The following CPA6 variants were observed in gnomAD, a reference collection of about 807,000 sequenced individuals.
CPA6 encodes carboxypeptidase A6, also known as carboxypeptidase B.
A neutral mutation model predicts 63.3 loss-of-function variants in CPA6; 58 were observed. The ratio of observed to expected loss-of-function variants is 0.92; its 90% confidence interval spans 0.74 to 1.14. CPA6 has a LOEUF of 1.14. Among genes scored for constraint, CPA6 ranks in the 50% most tolerant of loss-of-function variants. The probability of loss-of-function intolerance (pLI) is 0.00; values close to 1 mark genes in which losing one functional copy is unlikely to be tolerated. For missense variants in CPA6, 565 were observed against 526.6 expected (o/e 1.07, Z -0.71); for synonymous variants, 185 against 179.0 (o/e 1.03, Z -0.27).
At chr8:67,692,953 A>C (rs1816842351) in intron 1 of CPA6, among the ~76,000 whole-genome samples, 1 of 152,198 alleles carries the variant, frequency 6.6e-6, no homozygotes, top group South Asian at 2.1e-4. Context: ...CTAAGGCACA[A>C]AGGACACTGG....
chr8:67,745,884 T>C (rs1489995065), intron 1 of CPA6, 130 bp downstream of exon 1: 7 of 570,598 alleles, frequency 1.2e-5, no homozygotes, highest in African/African-American at 1.9e-5. Context: ...ACATTTTATA[T>C]AGAGGACCGT....
intron 2 of CPA6, among the ~76,000 whole-genome samples, chr8:67,587,899 G>C (rs761593645): frequency 6.6e-6 from 1 of 152,166 alleles, no homozygotes; most frequent in South Asian, 2.1e-4. Flanking sequence ...AAACGCATTA[G>C]TAGGTGTCCA....
intron 1 of CPA6, among the ~76,000 whole-genome samples, chr8:67,715,675 A>G (rs1401208867): frequency 6.6e-6 from 1 of 152,262 alleles, no homozygotes; most frequent in Non-Finnish European, 1.5e-5. Context: ...GTCGTAACAT[A>G]ATAGTGACTA....
intron 2 of CPA6, among the ~76,000 whole-genome samples, chr8:67,615,910 G>T (rs1384114664): frequency 6.6e-6 from 1 of 152,218 alleles, no homozygotes; most frequent in Admixed American, 6.5e-5. Context: ...GACAAGAACA[G>T]CTTGAGCTAA....
chr8:67,602,559 A>G (rs1006972213), intron 2 of CPA6, among the ~76,000 whole-genome samples: 1 of 152,204 alleles, frequency 6.6e-6, no homozygotes, highest in Admixed American at 6.5e-5. Flanking sequence ...TTCCCTTAAA[A>G]TAGAAACAAA....
At chr8:67,709,494 G>T (rs748384089) in intron 1 of CPA6, among the ~76,000 whole-genome samples, 38 of 152,252 alleles carry the variant, frequency 2.5e-4, no homozygotes, top group Non-Finnish European at 4.6e-4. Context: ...TACTAACAAT[G>T]ATAAATAAAG....
chr8:67,497,164 T>A (rs1460014646), intron 6 of CPA6, among the ~76,000 whole-genome samples: 2 of 152,220 alleles, frequency 1.3e-5, no homozygotes, highest in African/African-American at 4.8e-5. Context: ...TCAGTGGTTT[T>A]TAGTATATTT....
intron 3 of CPA6, among the ~76,000 whole-genome samples, chr8:67,515,532 G>A (rs996105120): frequency 1.3e-5 from 2 of 152,186 alleles, no homozygotes; most frequent in Admixed American, 1.3e-4. Context: ...AGGAAGGTCA[G>A]CGTATTCTCT....
rs1818003406 is a variant in CPA6, at chr8:67,746,102, G to A, written c.28C>T (p.Gln10Ter). 1.2e-6 allele frequency: 2 copies of A among 1,613,738 alleles called. No homozygotes were observed. The highest frequency in any genetic ancestry group is 2.2e-5 in the South Asian group (2 of 91,020). MKCLGKRRG[Q>*]AAAFLPLCWL... ...CAAAGAGGCAGGAAAGCAGCTGCCT[G>A]GCCCCTGCGCTTCCCGAGACACTTC... is the stretch of plus-strand genomic sequence containing the variant. Residue 10 changes from glutamine to a stop codon, truncating the protein, a stop_gained, in exon 1 of 11, where the codon CAG becomes TAG. Transcript: ENST00000297770. LOFTEE classifies it high-confidence loss of function.
chr8:67,718,985 A>C (rs1587726250), intron 1 of CPA6, among the ~76,000 whole-genome samples: 1 of 151,780 alleles, frequency 6.6e-6, no homozygotes, highest in Non-Finnish European at 1.5e-5. Flanking sequence ...TCCTGTTTGA[A>C]CCTTAGGTAG....
chr8:67,538,663 T>A (rs2128970422), intron 2 of CPA6, among the ~76,000 whole-genome samples: 1 of 152,162 alleles, frequency 6.6e-6, no homozygotes, highest in South Asian at 2.1e-4. Flanking sequence ...TTTGTCAGTC[T>A]GTGTCTTTTT....
chr8:67,587,691 G>A (rs1028427842), intron 2 of CPA6, among the ~76,000 whole-genome samples: 4 of 152,118 alleles, frequency 2.6e-5, no homozygotes, highest in African/African-American at 9.7e-5. Flanking sequence ...AGTGGTCGGG[G>A]CTGGGTTTAA....
At chr8:67,587,767 G>C (rs1813986208) in intron 2 of CPA6, among the ~76,000 whole-genome samples, 1 of 152,142 alleles carries the variant, frequency 6.6e-6, no homozygotes, top group South Asian at 2.1e-4. Context: ...CTTACTAATT[G>C]TGTAAAGACA....
chr8:67,662,592 TATAGA>T (rs1816141563), intron 1 of CPA6, among the ~76,000 whole-genome samples: 1 of 114,060 alleles, frequency 8.8e-6, no homozygotes, highest in African/African-American at 4.8e-5. Context: ...TATATGTATA[TATAGA>T]ATACATACAC....
At chr8:67,565,668 AG>A (rs1813320828) in intron 2 of CPA6, among the ~76,000 whole-genome samples, 1 of 152,222 alleles carries the variant, frequency 6.6e-6, no homozygotes, top group Non-Finnish European at 1.5e-5. Context: ...AGTCAAGGAT[AG>A]TTCCTTGCCA....
At chr8:67,534,177 T>C (rs1233916317) in intron 2 of CPA6, among the ~76,000 whole-genome samples, 3 of 152,204 alleles carry the variant, frequency 2.0e-5, no homozygotes, top group African/African-American at 7.2e-5. Context: ...TCAAGGACCT[T>C]GCACATAGGT....
At chr8:67,717,597 C>T (rs1817407024) in intron 1 of CPA6, among the ~76,000 whole-genome samples, 2 of 152,182 alleles carry the variant, frequency 1.3e-5, no homozygotes, top group South Asian at 4.1e-4. Flanking sequence ...GGTATTTGAT[C>T]TATACAAAAT....
At chr8:67,559,690 C>T (rs973030937) in intron 2 of CPA6, among the ~76,000 whole-genome samples, 2 of 152,038 alleles carry the variant, frequency 1.3e-5, no homozygotes, top group African/African-American at 4.8e-5. Context: ...CCTTTTAAGG[C>T]TTTGATGAAC....
chr8:67,662,638 CATGTAT>C (rs1816143916), intron 1 of CPA6, among the ~76,000 whole-genome samples: 1 of 150,764 alleles, frequency 6.6e-6, no homozygotes, highest in Admixed American at 6.6e-5. Flanking sequence ...TACATACACA[CATGTAT>C]ATGTATATAT....
Sources: allele counts gnomAD v4.1 joint callset (sites outside exome capture counted in the v4.1 genomes callset), GRCh38; gene constraint gnomAD v4.1.1; transcripts MANE v1.5; gene names NCBI Gene and HGNC (gene_info 2026-07-23, HGNC 2026-07-21).